The following DYNC2H1 variants were observed in gnomAD, a reference collection of about 807,000 sequenced individuals.
DYNC2H1 encodes dynein cytoplasmic 2 heavy chain 1, also known as cytoplasmic dynein 2 heavy chain 1.
A neutral mutation model predicts 570.0 loss-of-function variants in DYNC2H1; 410 were observed. The observed-to-expected ratio is 0.72, with a 90% CI of 0.66 to 0.78. The LOEUF is 0.78. DYNC2H1 is among the 30% of genes least tolerant of loss of function. The pLI, the probability that DYNC2H1 is intolerant of heterozygous loss-of-function variation, is 0.00. For synonymous variants in DYNC2H1, 1,688 were observed against 1,677.6 expected (o/e 1.01, Z -0.15); for missense variants, 4,865 against 5,046.4 (o/e 0.96, Z 1.09).
At chr11:103,393,455 A>G (rs1349182801) in intron 83 of DYNC2H1, among the ~76,000 whole-genome samples, 1 of 152,172 alleles carries the variant, frequency 6.6e-6, no homozygotes, top group East Asian at 1.9e-4. Context: ...TTAATGTGCC[A>G]TCTTTTCTAT....
intron 9 of DYNC2H1, 103 bp downstream of exon 9, chr11:103,121,139 C>T (rs1858683648): frequency 1.1e-6 from 1 of 899,382 alleles, no homozygotes; most frequent in Non-Finnish European, 1.6e-6. Flanking sequence ...ATTTTTCTGA[C>T]ATTTTCATGC....
At chr11:103,304,495 A>T (rs937982841) in intron 76 of DYNC2H1, 100 bp from the exon 77 acceptor site, 2 of 1,239,912 alleles carry the variant, frequency 1.6e-6, no homozygotes, top group African/African-American at 3.1e-5. Context: ...AAAGCCAGTT[A>T]GGAAGGTTTA....
chr11:103,455,953 A>G (rs1944771295), intron 86 of DYNC2H1, among the ~76,000 whole-genome samples: 1 of 152,164 alleles, frequency 6.6e-6, no homozygotes, highest in Non-Finnish European at 1.5e-5. Flanking sequence ...TATTATAAAC[A>G]TCAAATTTCA....
chr11:103,239,928 T>G lies in DYNC2H1; in HGVS notation c.9819+3389T>G, dbSNP rs949623164. Among the ~76,000 whole-genome samples the G allele has an allele frequency of 2.6e-5, 4 of 152,074 alleles. No individual in the cohort carries two copies. Among genetic ancestry groups the G allele is most frequent in the African/African-American group, 4.8e-5 (2 of 41,404 alleles). On this transcript the variant is annotated intron_variant, in intron 63 of 88. Transcript: ENST00000375735. The surrounding 1 kb of genome is among the most constrained non-coding windows in gnomAD (Gnocchi z 4.3). ...TATGTATCTTTAGTTTTTAACCTGT[T>G]TTTTGAACTCTTGACCTACAGTTCT... is the stretch of plus-strand genomic sequence containing the variant.
At chr11:103,323,731 A>C (rs930706092) in intron 81 of DYNC2H1, among the ~76,000 whole-genome samples, 155 bp from the exon 82 acceptor site, 3 of 152,206 alleles carry the variant, frequency 2.0e-5, no homozygotes, top group African/African-American at 7.2e-5. Context: ...TACTTCCCAC[A>C]GATAACTGAG....
At chr11:103,399,137 C>T (rs1289895485) in intron 83 of DYNC2H1, among the ~76,000 whole-genome samples, 3 of 125,526 alleles carry the variant, frequency 2.4e-5, no homozygotes, top group African/African-American at 6.5e-5. Flanking sequence ...TTTCCCACAC[C>T]GTTTTTTTTT....
Position 103,129,493 on chromosome 11 carries a change from C to A in DYNC2H1, c.1953+488C>A, listed in dbSNP as rs542384542. 2.0e-5 allele frequency among the ~76,000 whole-genome samples: 3 copies of A among 152,192 alleles called. No homozygotes were observed. The highest frequency in any genetic ancestry group is 6.5e-5 in the Admixed American group (1 of 15,282). On this transcript the variant is annotated intron_variant, in intron 13 of 88. Coordinates refer to ENST00000375735, the MANE Select transcript of DYNC2H1 (RefSeq NM_001377.3). The surrounding 1 kb of genome is among the most constrained non-coding windows in gnomAD (Gnocchi z 4.1). ...CATCAGGGGTTTGAGACCAGCCTGGCCAACATGGTGAAACCCCATCTCAAC... is the reference window on the plus strand; with the variant it reads ...CATCAGGGGTTTGAGACCAGCCTGGACAACATGGTGAAACCCCATCTCAAC...
In DYNC2H1 at chr11:103,189,593, C is replaced by T. The variant is rs2135042261; in HGVS notation, c.7293-79C>T. 1 of 1,442,520 alleles carries T rather than the reference C, an allele frequency of 6.9e-7. No homozygotes were observed. The highest frequency in any genetic ancestry group is 9.5e-7 in the Non-Finnish European group (1 of 1,051,378). The allele number at this position is 1,442,520 out of a possible 1,614,324, so 89.4% of individuals were successfully genotyped here. A position where few individuals can be genotyped will look rare whatever the true frequency, so the allele number is the denominator to read the frequency against. ...TTAGAGCAGCACAGTTTCAAAACCA[C>T]TGTTGTAACTTAACATTGAAATATT... is the stretch of plus-strand genomic sequence containing the variant. On this transcript the variant is annotated intron_variant, in intron 44 of 88. Transcript: ENST00000375735. This position sits in a 1 kb window ranked among gnomAD's most constrained non-coding sequence, Gnocchi z 4.3.
chr11:103,180,445 A>G (rs913129617), intron 39 of DYNC2H1, among the ~76,000 whole-genome samples: 21 of 151,810 alleles, frequency 1.4e-4, no homozygotes, highest in African/African-American at 5.1e-4. Context: ...AGCAGAAAAT[A>G]AGACATTGCT....
rs1938407931 is a variant in DYNC2H1 at position 103,325,161 on chromosome 11, TTGTC to T, written c.12039+1175_12039+1178del. ...CAAACATTTTCTCCTATTCTGTAGG[TTGTC>T]TGTTTACTCTGTTGATAGTCTCTTT... On this transcript the variant is annotated intron_variant, in intron 82 of 88. Coordinates refer to ENST00000375735, the MANE Select transcript of DYNC2H1 (RefSeq NM_001377.3). The surrounding 1 kb of genome is among the most constrained non-coding windows in gnomAD (Gnocchi z 4.8). 1.3e-5 allele frequency among the ~76,000 whole-genome samples: 2 copies of T among 152,200 alleles called. No individual in the cohort carries two copies. Among genetic ancestry groups the T allele is most frequent in the African/African-American group, 4.8e-5 (2 of 41,450 alleles).
chr11:103,254,787 T>C lies in DYNC2H1; in HGVS notation c.10207-628T>C, dbSNP rs1192259995. Among the ~76,000 whole-genome samples the C allele has an allele frequency of 6.6e-6, 1 of 152,160 alleles. No homozygotes were observed. The highest frequency in any genetic ancestry group is 1.5e-5 in the Non-Finnish European group (1 of 68,036). ...TTATTTGTTTATTTTATTTTATTTT[T>C]TTGAGACGGAGTCTGGCACTGTTGC... On this transcript the variant is annotated intron_variant, in intron 66 of 88. Transcript: ENST00000375735. The surrounding 1 kb of genome is among the most constrained non-coding windows in gnomAD (Gnocchi z 4.9).
chr11:103,297,278 A>T (rs1304325903), intron 75 of DYNC2H1, among the ~76,000 whole-genome samples: 1 of 152,150 alleles, frequency 6.6e-6, no homozygotes, highest in Non-Finnish European at 1.5e-5. Flanking sequence ...CAAAACCCCA[A>T]AAGTACAGTC....
chr11:103,133,666 A>G lies in DYNC2H1; in HGVS notation c.2065A>G (p.Asn689Asp). ...QNAAERLATE[N>D]RKLRKWHTTF... is the part of the protein sequence containing the mutation. ...TGCTGCTGAACGGCTTGCCACTGAA[A>G]ATAGAAAACTGAGAAAATGGCACAC... The change falls in exon 14 of 89, where the codon AAT becomes GAT. Residue 689 changes from asparagine to aspartate, a missense_variant. Transcript: ENST00000375735. The surrounding 1 kb of genome is among the most constrained non-coding windows in gnomAD (Gnocchi z 4.8). 1 of 1,612,834 alleles carries G rather than the reference A, an allele frequency of 6.2e-7. No individual in the cohort carries two copies. The highest frequency in any genetic ancestry group is 8.5e-7 in the Non-Finnish European group (1 of 1,179,400).
At chr11:103,425,801 A>C (rs1409049014) in intron 84 of DYNC2H1, among the ~76,000 whole-genome samples, 2 of 150,696 alleles carry the variant, frequency 1.3e-5, no homozygotes, top group Non-Finnish European at 2.9e-5. Flanking sequence ...TATACATAAC[A>C]AAAAAAAGAA....
chr11:103,315,589 T>C (rs1010300328), intron 79 of DYNC2H1, among the ~76,000 whole-genome samples: 20 of 152,078 alleles, frequency 1.3e-4, no homozygotes, highest in Non-Finnish European at 2.4e-4. Flanking sequence ...CCTAACGAGT[T>C]CTTAAATCTG....
chr11:103,232,275 A>G (rs1375765344), intron 60 of DYNC2H1, among the ~76,000 whole-genome samples: 1 of 151,952 alleles, frequency 6.6e-6, no homozygotes, highest in Non-Finnish European at 1.5e-5. Flanking sequence ...AACAATGATG[A>G]GAAGTAAATC....
chr11:103,387,915 A>G (rs530931513), intron 83 of DYNC2H1, among the ~76,000 whole-genome samples: 13 of 152,156 alleles, frequency 8.5e-5, no homozygotes, highest in Non-Finnish European at 1.6e-4. Flanking sequence ...GCCTTGTAGT[A>G]TAGTTTGAAG....
chr11:103,458,125 C>T (rs892589848), intron 87 of DYNC2H1, among the ~76,000 whole-genome samples: 4 of 152,214 alleles, frequency 2.6e-5, no homozygotes, highest in Non-Finnish European at 5.9e-5. Flanking sequence ...CCCAGAGCAA[C>T]TTGCATTCTT....
rs1167637548 is a variant in DYNC2H1 at position 103,209,766 on chromosome 11, G to A, written c.8455-110G>A. 1 of 795,868 alleles carries A rather than the reference G, an allele frequency of 1.3e-6. No individual in the cohort carries two copies. The highest frequency in any genetic ancestry group is 1.8e-5 in the African/African-American group (1 of 54,406). The allele number at this position is 795,868 out of a possible 1,614,324, so 49.3% of individuals were successfully genotyped here. The stretch of plus-strand genomic sequence containing the variant: ...TTATTTTTGTCTCTTAGTCTGGAAT[G>A]AATCCTAGAAGAAAAGTACAATCAA... On this transcript the variant is annotated intron_variant, in intron 52 of 88. Transcript: ENST00000375735. The surrounding 1 kb of genome is among the most constrained non-coding windows in gnomAD (Gnocchi z 4.2).
Sources: allele counts gnomAD v4.1 joint callset (sites outside exome capture counted in the v4.1 genomes callset), GRCh38; gene constraint gnomAD v4.1.1; non-coding constraint Gnocchi (gnomAD v3.1); transcripts MANE v1.5; gene names NCBI Gene and HGNC (gene_info 2026-07-23, HGNC 2026-07-21).